Variants in PDXDC1 observed in about 807,000 individuals in gnomAD.
PDXDC1 encodes pyridoxal-dependent decarboxylase domain-containing protein 1.
In PDXDC1, 42 loss-of-function variants were observed where a neutral mutation model predicts 100.1. The ratio of observed to expected loss-of-function variants is 0.42; its 90% CI spans 0.33 to 0.54. The LOEUF (loss-of-function observed/expected upper bound fraction) is 0.54. Among genes scored for constraint, PDXDC1 ranks in the 20% least tolerant of loss-of-function variants. PDXDC1 has a pLI of 0.10. For synonymous variants in PDXDC1, 260 were observed against 371.7 expected (o/e 0.70, Z 3.46); for missense variants, 636 against 979.2 (o/e 0.65, Z 4.68).
chr16:15,108,263 G>C (rs2046885579), intron 16 of PDXDC1: 1 of 912,446 alleles, frequency 1.1e-6, no homozygotes, highest in African/African-American at 1.8e-5. Context: ...CTGATCCTAA[G>C]GATCTCACCT....
In PDXDC1 at chr16:15,084,142, G is replaced by C. The variant is rs2045819188; in HGVS notation, c.1399+54086G>C. On this transcript the variant is annotated intron_variant, in intron 16 of 16. Coordinates refer to the PDXDC1 transcript ENST00000535621. ...GCTTCTCTCCCACAGAAACATAACA[G>C]CACTTTTGCTGACATTTCCCACTAC... 2.0e-5 allele frequency among the ~76,000 whole-genome samples: 3 copies of C among 152,164 alleles called. No individual in the cohort carries two copies. The South Asian group carries it at 6.2e-4, about 32-fold the overall frequency.
chr16:15,119,112 CAGAA>C (rs1176611088), intron 16 of PDXDC1: 2 of 924,968 alleles, frequency 2.2e-6, no homozygotes, highest in African/African-American at 3.7e-5. Flanking sequence ...ATATTTCACT[CAGAA>C]AGAATCATCC....
At chr16:15,076,759 G>C in intron 16 of PDXDC1, 3 of 736,570 alleles carry the variant, frequency 4.1e-6, no homozygotes, top group Non-Finnish European at 7.2e-6. Flanking sequence ...GTCCAGATTA[G>C]TGCCTTATAT....
rs142613173 is a variant in PDXDC1 at position 15,006,542 on chromosome 16, G to A, written c.538G>A (p.Ala180Thr). 4.2e-4 allele frequency: 675 copies of A among 1,596,982 alleles called. No individual in the cohort carries two copies. In the African/African-American group the frequency reaches 7.5e-3, roughly 18 times the overall value. The change falls in exon 6 of 23, where the codon GCT becomes ACT. Residue 180 changes from alanine to threonine, a missense_variant. Physicochemically the swap from Ala to Thr is moderately conservative, Grantham distance 58 (BLOSUM62 0). Transcript: ENST00000396410. ...CAAGAAGCCTGTCATATATCTTAGT[G>A]CTGCTGCTAGACCTGGCCTGGGCCA... ...YNKKPVIYLS[A>T]AARPGLGQYL... is the part of the protein sequence containing the mutation.
At chr16:15,006,204 G>A (rs1465231463) in intron 5 of PDXDC1, among the ~76,000 whole-genome samples, 190 bp from the exon 6 acceptor site, 7 of 152,258 alleles carry the variant, frequency 4.6e-5, no homozygotes, top group East Asian at 1.9e-4. Flanking sequence ...TTATTGTCTC[G>A]CTGCTTGGTA....
chr16:15,135,968 C>T (rs1229720057), intron 16 of PDXDC1: 3 of 1,575,120 alleles, frequency 1.9e-6, no homozygotes, highest in Admixed American at 1.7e-5. Flanking sequence ...CGCCGGGCAC[C>T]CCGGCTGGTG....
chr16:15,127,848 C>G (rs748916157), intron 16 of PDXDC1: 1 of 1,566,260 alleles, frequency 6.4e-7, no homozygotes, highest in African/African-American at 1.4e-5. Flanking sequence ...AGAAGCCGCA[C>G]TGCAGCTCAG....
intron 16 of PDXDC1, chr16:15,071,368 A>G (rs2045220435): frequency 2.1e-6 from 2 of 931,754 alleles, no homozygotes; most frequent in East Asian, 5.0e-5. Flanking sequence ...TCTCATAACT[A>G]TCTCATGGGC....
chr16:15,135,547 G>A (rs2048308295), intron 16 of PDXDC1: 3 of 1,015,166 alleles, frequency 3.0e-6, no homozygotes, highest in Admixed American at 1.8e-5. Context: ...GGGCCCACCA[G>A]GCACTGAGGA....
chr16:14,975,806 G>A lies in PDXDC1; in HGVS notation c.21+586G>A, dbSNP rs7202870. Among the ~76,000 whole-genome samples the A allele has an allele frequency of 3.8e-3, 572 of 152,070 alleles. 2 individuals carry two copies. Among genetic ancestry groups the A allele is most frequent in the African/African-American group, 0.013 (534 of 41,484 alleles). On this transcript the variant is annotated intron_variant, in intron 1 of 22. Transcript: ENST00000396410. ...CTGCGTGTTTAACCGCCACCGCCCCGCTCCCACTCCGCCCCACGCAGGTGA... is the reference window on the plus strand; with the variant it reads ...CTGCGTGTTTAACCGCCACCGCCCCACTCCCACTCCGCCCCACGCAGGTGA...
chr16:15,060,381 G>A (rs1463370983), intron 16 of PDXDC1: 1 of 192,344 alleles, frequency 5.2e-6, no homozygotes, highest in Admixed American at 6.2e-5. Context: ...TTCCAAAAAA[G>A]TATTTACAGA....
chr16:15,143,055 A>G (rs559495107), downstream of PDXDC1, among the ~76,000 whole-genome samples: 1 of 152,116 alleles, frequency 6.6e-6, no homozygotes, highest in Non-Finnish European at 1.5e-5. Context: ...GCTCCCAGGG[A>G]AGCTGAAGCC....
intron 12 of PDXDC1, among the ~76,000 whole-genome samples, chr16:15,022,244 G>A (rs568385937): frequency 8.5e-5 from 13 of 152,394 alleles, no homozygotes; most frequent in Non-Finnish European, 1.5e-4. Context: ...TATAATTGAG[G>A]GAACTGAAGC....
intron 16 of PDXDC1, chr16:15,061,949 C>G: frequency 6.4e-7 from 1 of 1,554,828 alleles, no homozygotes; most frequent in Non-Finnish European, 8.8e-7. Flanking sequence ...CCAGTGCTGA[C>G]TGAAAAGCTT....
chr16:15,139,671 C>A (rs901677561), downstream of PDXDC1, among the ~76,000 whole-genome samples: 5 of 151,972 alleles, frequency 3.3e-5, no homozygotes, highest in Admixed American at 3.3e-4. Context: ...GTTCCAACTA[C>A]TCGGGGGGCT....
At chr16:15,141,223 G>A (rs1005436935), downstream of PDXDC1, among the ~76,000 whole-genome samples, 25 of 152,222 alleles carry the variant, frequency 1.6e-4, no homozygotes, top group South Asian at 6.2e-4. Flanking sequence ...CCTACCCGGC[G>A]CAGGAGAGAC....
At chr16:15,128,016 C>T (rs781539609) in intron 16 of PDXDC1, 3 of 1,600,994 alleles carry the variant, frequency 1.9e-6, no homozygotes, top group South Asian at 2.2e-5. Flanking sequence ...TCCTTCTCCA[C>T]CAGGCCCCCG....
intron 16 of PDXDC1, chr16:15,074,529 C>G: frequency 2.1e-6 from 1 of 466,252 alleles, no homozygotes; most frequent in South Asian, 4.4e-5. Flanking sequence ...AAATATAACT[C>G]AGCCAGAATC....
intron 1 of PDXDC1, chr16:14,988,999 G>A (rs367621328): frequency 6.2e-7 from 1 of 1,614,218 alleles, no homozygotes; most frequent in Non-Finnish European, 8.5e-7. Context: ...GACTCCATCT[G>A]GTCTCGCTCC....
Sources: allele counts gnomAD v4.1 joint callset (sites outside exome capture counted in the v4.1 genomes callset), GRCh38; gene constraint gnomAD v4.1.1; transcripts MANE v1.5; gene names NCBI Gene and HGNC (gene_info 2026-07-23, HGNC 2026-07-21).